NEDD4L: variants seen among roughly 807,000 people sequenced by gnomAD.
NEDD4L encodes the protein E3 ubiquitin-protein ligase NEDD4-like.
Under a neutral mutation model 148.9 loss-of-function variants are expected in NEDD4L, and 54 were observed. That is an observed-to-expected ratio of 0.36 (90% CI 0.29 to 0.45). The LOEUF (loss-of-function observed/expected upper bound fraction) is 0.45. Ranked by LOEUF, NEDD4L falls within the 20% of genes least tolerant of loss-of-function variation. The pLI, the probability that NEDD4L is intolerant of heterozygous loss-of-function variation, is 1.00. For missense variants in NEDD4L, 856 were observed against 1,233.8 expected (o/e 0.69, Z 4.59); for synonymous variants, 433 against 440.7 (o/e 0.98, Z 0.22).
chr18:58,230,137 A>ATATT (rs2044956662), intron 2 of NEDD4L, among the ~76,000 whole-genome samples: 1 of 152,242 alleles, frequency 6.6e-6, no homozygotes, highest in Non-Finnish European at 1.5e-5. Flanking sequence ...CTGAAGATCT[A>ATATT]TATTTAAATG....
intron 2 of NEDD4L, among the ~76,000 whole-genome samples, chr18:58,166,951 C>T (rs549823139): frequency 2.6e-5 from 4 of 152,268 alleles, no homozygotes; most frequent in South Asian, 2.1e-4. Context: ...TTAGTAAGCA[C>T]GCCTCTATTT....
intron 2 of NEDD4L, chr18:58,195,786 C>A: frequency 8.8e-7 from 1 of 1,130,078 alleles, no homozygotes; most frequent in Non-Finnish European, 1.2e-6. Flanking sequence ...GTGCCCACAG[C>A]ATCAGGAGAA....
At chr18:58,296,059 C>A (rs148603153) in intron 5 of NEDD4L, among the ~76,000 whole-genome samples, 36 of 152,260 alleles carry the variant, frequency 2.4e-4, no homozygotes, top group Non-Finnish European at 4.3e-4. Flanking sequence ...GCCCCCAGAC[C>A]GGAGTCATAC....
At chr18:58,149,523 T>C (rs758793927) in intron 1 of NEDD4L, 1 of 1,551,440 alleles carries the variant, frequency 6.4e-7, no homozygotes, top group Middle Eastern at 1.7e-4. Flanking sequence ...CCTTTAATAT[T>C]GTATTCTCCT....
At chr18:58,131,312 C>T (rs910015591) in intron 1 of NEDD4L, among the ~76,000 whole-genome samples, 4 of 127,442 alleles carry the variant, frequency 3.1e-5, no homozygotes, top group East Asian at 4.7e-4. Flanking sequence ...AGAACAGTGG[C>T]GGTTTTGGGC....
intron 5 of NEDD4L, among the ~76,000 whole-genome samples, chr18:58,261,823 A>G (rs2049427560): frequency 6.6e-6 from 1 of 152,228 alleles, no homozygotes; most frequent in African/African-American, 2.4e-5. Flanking sequence ...TGTGGGCGAT[A>G]CAGGTTAGCT....
chr18:58,156,792 G>T (rs1216821534), intron 1 of NEDD4L, among the ~76,000 whole-genome samples: 2 of 152,120 alleles, frequency 1.3e-5, no homozygotes, highest in African/African-American at 2.4e-5. Context: ...GCTGCCCTCT[G>T]CAACCTCATA....
intron 1 of NEDD4L, among the ~76,000 whole-genome samples, chr18:58,145,270 G>A (rs2033984614): frequency 6.6e-6 from 1 of 152,154 alleles, no homozygotes; most frequent in African/African-American, 2.4e-5. Context: ...AGGGAAGGGT[G>A]GATTTGCAGC....
intron 16 of NEDD4L, among the ~76,000 whole-genome samples, chr18:58,345,344 C>T (rs780759179): frequency 3.9e-5 from 6 of 152,144 alleles, no homozygotes; most frequent in East Asian, 1.9e-4. Flanking sequence ...GATGAAGAGC[C>T]GGAGGGAAGC....
At chr18:58,188,028 A>G (rs1423103908) in intron 2 of NEDD4L, among the ~76,000 whole-genome samples, 5 of 152,204 alleles carry the variant, frequency 3.3e-5, no homozygotes, top group Non-Finnish European at 7.3e-5. Context: ...ATGTATTTTG[A>G]GGGCTAAAAG....
At chr18:58,360,214 G>T (rs1435991705) in intron 19 of NEDD4L, among the ~76,000 whole-genome samples, 2 of 152,274 alleles carry the variant, frequency 1.3e-5, no homozygotes, top group East Asian at 1.9e-4. Flanking sequence ...TTGGACTCAG[G>T]CTTCTTCAGT....
At chr18:58,251,261 C>A (rs780959285) in intron 4 of NEDD4L, among the ~76,000 whole-genome samples, 2 of 152,180 alleles carry the variant, frequency 1.3e-5, no homozygotes, top group Non-Finnish European at 2.9e-5. Flanking sequence ...CACAGTGGCT[C>A]ATGCCTGTAA....
chr18:58,280,485 TG>T (rs1433062411), intron 5 of NEDD4L, among the ~76,000 whole-genome samples: 1 of 152,186 alleles, frequency 6.6e-6, no homozygotes, highest in African/African-American at 2.4e-5. Context: ...CGGGCGAGGC[TG>T]GGTGCGAAGA....
intron 2 of NEDD4L, among the ~76,000 whole-genome samples, chr18:58,210,529 A>G (rs1421814038): frequency 6.6e-6 from 1 of 151,908 alleles, no homozygotes; most frequent in African/African-American, 2.4e-5. Context: ...GCTCACTGCA[A>G]CCTCCGCCTC....
At position 58,194,199 on chromosome 18, in the gene NEDD4L, G is replaced by C. The variant is rs577066385; in HGVS notation, c.122+28338G>C. ...ATGTAATAAAGCAGGAATTCTAATG[G>C]GCTGCCTGCTACAGAGGAGATGGGA... On this transcript the variant is annotated intron_variant, in intron 2 of 30. Coordinates refer to ENST00000400345, the MANE Select transcript of NEDD4L (RefSeq NM_001144967.3). 4 of 152,292 alleles carry C rather than the reference G, an allele frequency of 2.6e-5. No homozygotes were observed. The East Asian group carries it at 7.7e-4, about 29-fold the overall frequency. The allele number at this position is 152,292 out of a possible 1,614,324, so 9.4% of individuals were successfully genotyped here.
chr18:58,357,137 A>G, intron 18 of NEDD4L, 57 bp from the exon 19 acceptor site: 1 of 1,470,014 alleles, frequency 6.8e-7, no homozygotes, highest in Non-Finnish European at 9.3e-7. Context: ...CTTTCTTTAC[A>G]TAGAATAGAT....
intron 8 of NEDD4L, among the ~76,000 whole-genome samples, chr18:58,323,884 A>G (rs1763576957): frequency 6.6e-6 from 1 of 152,106 alleles, no homozygotes; most frequent in African/African-American, 2.4e-5. Context: ...TGTGGGTCCT[A>G]TCGTACCTTT....
chr18:58,072,872 G>GCACACACACACACACACA (rs766485355), intron 1 of NEDD4L, among the ~76,000 whole-genome samples: 2 of 131,558 alleles, frequency 1.5e-5, no homozygotes, highest in African/African-American at 3.2e-5. Flanking sequence ...GCGCGCGCGC[G>GCACACACACACACACACA]CACACACACA....
intron 5 of NEDD4L, among the ~76,000 whole-genome samples, chr18:58,252,709 G>A (rs2048077806): frequency 6.6e-6 from 1 of 152,002 alleles, no homozygotes; most frequent in Non-Finnish European, 1.5e-5. Flanking sequence ...AAATAATTAT[G>A]ATTTCATTTT....
Sources: allele counts gnomAD v4.1 joint callset (sites outside exome capture counted in the v4.1 genomes callset), GRCh38; gene constraint gnomAD v4.1.1; transcripts MANE v1.5; gene names NCBI Gene and HGNC (gene_info 2026-07-23, HGNC 2026-07-21).